Variants in ARFGEF1 observed in about 807,000 individuals in gnomAD.
ARFGEF1 encodes the protein brefeldin A-inhibited guanine nucleotide-exchange protein 1.
ARFGEF1 carries 42 observed loss-of-function variants against 231.0 expected under a neutral mutation model. The observed-to-expected ratio is 0.18, with a 90% confidence interval of 0.14 to 0.24. ARFGEF1 has a LOEUF of 0.24. Ranked by LOEUF, ARFGEF1 falls within the 10% of genes least tolerant of loss-of-function variation. The pLI, the probability that ARFGEF1 is intolerant of heterozygous loss-of-function variation, is 1.00. For missense variants in ARFGEF1, 1,345 were observed against 2,192.0 expected (o/e 0.61, Z 7.72); for synonymous variants, 710 against 732.3 (o/e 0.97, Z 0.49).
At chr8:67,271,045 G>GAAAAAAAA (rs1563878469) in intron 10 of ARFGEF1, among the ~76,000 whole-genome samples, 31 of 69,572 alleles carry the variant, frequency 4.5e-4, no homozygotes, top group Non-Finnish European at 6.3e-4. Flanking sequence ...AAAAAAAAAG[G>GAAAAAAAA]AAAAAGAAAA....
chr8:67,302,906 TAAAAAAAAAAAAA>T (rs139020447), intron 1 of ARFGEF1, among the ~76,000 whole-genome samples: 1 of 102,044 alleles, frequency 9.8e-6, no homozygotes, highest in Non-Finnish European at 1.9e-5. Flanking sequence ...CCCCATCTCT[TAAAAAAAAAAAAA>T]AAAAAAAAAA....
chr8:67,257,671 T>G, intron 17 of ARFGEF1, 61 bp downstream of exon 17: 1 of 1,282,442 alleles, frequency 7.8e-7, no homozygotes, highest in East Asian at 2.3e-5. Context: ...ACTTACTGAA[T>G]TCAGAATAAT....
chr8:67,326,503 C>G (rs1346538625), intron 1 of ARFGEF1, among the ~76,000 whole-genome samples: 1 of 152,186 alleles, frequency 6.6e-6, no homozygotes, highest in East Asian at 1.9e-4. Context: ...GATCTGAAAC[C>G]TTACACACCT....
Position 67,266,987 on chromosome 8 carries a change from A to G in ARFGEF1, c.1813-3T>C. 1.2e-6 allele frequency: 2 copies of G among 1,611,796 alleles called. No homozygotes were observed. Among genetic ancestry groups the G allele is most frequent in the Non-Finnish European group, 1.7e-6 (2 of 1,179,240 alleles). ...CCTTTTTTCCTCAGGCTCAATTCCT[A>G]CAAAGTAATTCAAAAACAAAATTTT... On this transcript the variant is annotated splice_polypyrimidine_tract_variant and splice_region_variant and intron_variant, in intron 12 of 38. Coordinates refer to ENST00000262215, the MANE Select transcript of ARFGEF1 (RefSeq NM_006421.5).
At chr8:67,196,966 C>G (rs1436159030), downstream of ARFGEF1, among the ~76,000 whole-genome samples, 1 of 152,184 alleles carries the variant, frequency 6.6e-6, no homozygotes, top group Admixed American at 6.5e-5. Context: ...GAATACTTTT[C>G]CTCTTTAACA....
intron 1 of ARFGEF1, among the ~76,000 whole-genome samples, chr8:67,304,448 AATG>A (rs1417052520): frequency 6.6e-5 from 10 of 152,396 alleles, no homozygotes; most frequent in African/African-American, 2.4e-4. Context: ...AAAGGTTCAC[AATG>A]ATATTTAAGA....
rs1839080966 is a variant in ARFGEF1, at chr8:67,219,703, A to C, written c.4209-143T>G. On this transcript the variant is annotated intron_variant, in intron 29 of 38. Transcript: ENST00000262215. ...AACACATGACACTGGGTTTTAAAAA[A>C]TTTAAGTTGTAAGAACAACAGGTTC... The C allele has an allele frequency of 1.1e-5, 9 of 837,756 alleles. No homozygotes were observed. In the East Asian group the frequency reaches 1.7e-4, roughly 16 times the overall value. 51.9% of individuals were successfully genotyped at this position (837,756 alleles called of 1,614,324 possible). A position where few individuals can be genotyped will look rare whatever the true frequency, so the allele number is the denominator to read the frequency against.
rs1805849265 is a variant in ARFGEF1, at chr8:67,288,367, C to A, written c.917-302G>T. ...ACTTCAAAAACTATTTTAAATGAAA[C>A]ATTTCTAACATGTCCTACAGATGCT... is the stretch of plus-strand genomic sequence containing the variant. On this transcript the variant is annotated intron_variant, in intron 6 of 38. Transcript: ENST00000262215. Among the ~76,000 whole-genome samples, 5 of 152,158 alleles carry A rather than the reference C, an allele frequency of 3.3e-5. 1 individual carries two copies. In the South Asian group the frequency reaches 1.0e-3, roughly 31 times the overall value.
At chr8:67,324,267 T>G (rs1389049747) in intron 1 of ARFGEF1, among the ~76,000 whole-genome samples, 1 of 152,180 alleles carries the variant, frequency 6.6e-6, no homozygotes, top group Non-Finnish European at 1.5e-5. Context: ...GCACTCTAGC[T>G]TGGCAACTGA....
Position 67,303,407 on chromosome 8 carries a change from T to C in ARFGEF1, c.125-941A>G, listed in dbSNP as rs559177172. Among the ~76,000 whole-genome samples, 9 of 152,298 alleles carry C rather than the reference T, an allele frequency of 5.9e-5. No homozygotes were observed. In the South Asian group the frequency reaches 8.3e-4, roughly 14 times the overall value. ...TAAATTAGACAAATCCTACCCGTAA[T>C]AGAAGACCCTTAAATTTAATTGGCT... On this transcript the variant is annotated intron_variant, in intron 1 of 38. Coordinates refer to ENST00000262215, the MANE Select transcript of ARFGEF1 (RefSeq NM_006421.5).
intron 1 of ARFGEF1, among the ~76,000 whole-genome samples, chr8:67,313,423 G>C (rs1456170813): frequency 6.6e-6 from 1 of 152,190 alleles, no homozygotes; most frequent in African/African-American, 2.4e-5. Context: ...TCGGTCAGAA[G>C]AAAGGTCTAG....
chr8:67,205,867 AATAAAT>A, intron 34 of ARFGEF1, among the ~76,000 whole-genome samples: 1 of 145,250 alleles, frequency 6.9e-6, no homozygotes, highest in African/African-American at 2.8e-5. Flanking sequence ...CAAAAAAATA[AATAAAT>A]AAATAAATAA....
intron 1 of ARFGEF1, among the ~76,000 whole-genome samples, chr8:67,325,428 CCTAT>C (rs1213520058): frequency 1.3e-5 from 2 of 152,154 alleles, no homozygotes. Flanking sequence ...TCTGCACCTT[CCTAT>C]CTATTGTCTC....
At chr8:67,318,654 G>A (rs1807439777) in intron 1 of ARFGEF1, among the ~76,000 whole-genome samples, 1 of 152,130 alleles carries the variant, frequency 6.6e-6, no homozygotes, top group Non-Finnish European at 1.5e-5. Context: ...TACTAGCAAT[G>A]AACAACTGGA....
At chr8:67,261,721 A>C (rs892026373) in intron 14 of ARFGEF1, among the ~76,000 whole-genome samples, 5 of 151,822 alleles carry the variant, frequency 3.3e-5, no homozygotes, top group African/African-American at 1.2e-4. Flanking sequence ...GTCCAGGTTG[A>C]TCTCAAACTC....
At chr8:67,298,075 G>A (rs1397203961) in intron 4 of ARFGEF1, among the ~76,000 whole-genome samples, 1 of 151,722 alleles carries the variant, frequency 6.6e-6, no homozygotes, top group Non-Finnish European at 1.5e-5. Flanking sequence ...CAAAGTGCTG[G>A]GATTACAGGC....
At chr8:67,192,700 C>T (rs1313921496), downstream of ARFGEF1, among the ~76,000 whole-genome samples, 1 of 152,194 alleles carries the variant, frequency 6.6e-6, no homozygotes, top group African/African-American at 2.4e-5. Flanking sequence ...GTGTGAGGTG[C>T]AGGGGTCCAA....
chr8:67,231,959 C>T (rs1035037967), intron 23 of ARFGEF1, among the ~76,000 whole-genome samples: 10 of 151,586 alleles, frequency 6.6e-5, no homozygotes, highest in African/African-American at 2.4e-4. Context: ...AATGACTCTC[C>T]TCTTAAAAAA....
rs1808746997 is a variant in ARFGEF1, at chr8:67,343,325, G to A, written c.-38C>T. The A allele has an allele frequency of 1.9e-6, 3 of 1,607,684 alleles. No individual in the cohort carries two copies. The highest frequency in any genetic ancestry group is 1.3e-5 in the African/African-American group (1 of 74,842). Reference sequence around the variant, plus strand: ...GGAGGCGGCGGCTCGTCCGACCCGCGGCTCCCAGCGGCTGGAGGGGAGGAG... The same window carrying A: ...GGAGGCGGCGGCTCGTCCGACCCGCAGCTCCCAGCGGCTGGAGGGGAGGAG... On this transcript the variant is annotated 5_prime_UTR_variant, in exon 1 of 39. Transcript: ENST00000262215.
Sources: gnomAD v4.1 joint callset for allele counts (sites outside exome capture counted in the v4.1 genomes callset) on GRCh38, gnomAD v4.1.1 for gene constraint, MANE v1.5 for transcripts, NCBI Gene and HGNC (gene_info 2026-07-23, HGNC 2026-07-21) for gene names.